The following CTDSPL variants were observed in gnomAD, a reference collection of about 807,000 sequenced individuals.
CTDSPL encodes the protein CTD small phosphatase-like protein.
Under a neutral mutation model 30.5 loss-of-function variants are expected in CTDSPL, and 8 were observed. The ratio of observed to expected loss-of-function variants is 0.26; its 90% CI spans 0.15 to 0.47. CTDSPL has a LOEUF of 0.47. Among genes scored for constraint, CTDSPL ranks in the 20% least tolerant of loss-of-function variants. The pLI is 0.99. For synonymous variants in CTDSPL, 110 were observed against 137.9 expected (o/e 0.80, Z 1.42); for missense variants, 248 against 366.1 (o/e 0.68, Z 2.63).
At chr3:37,947,601 T>C (rs560445154) in intron 2 of CTDSPL, among the ~76,000 whole-genome samples, 1 of 152,314 alleles carries the variant, frequency 6.6e-6, no homozygotes, top group South Asian at 2.1e-4. Context: ...TGATAGTATG[T>C]GTACAGCCAT....
In CTDSPL at chr3:37,862,103, CCCCCCCGCGCCGCGCCCCCGCG is replaced by C. The variant is rs1207475254; in HGVS notation, c.-73_-52del. On this transcript the variant is annotated 5_prime_UTR_variant, in exon 1 of 8. Transcript: ENST00000273179. The surrounding 1 kb of genome is among the most constrained non-coding windows in gnomAD (Gnocchi z 4.3). ...CGCGCCCAGGCAGCGGCTGCGAGCG[CCCCCCCGCGCCGCGCCCCCGCG>C]CCCCCCGCGCCGCGCCCCCGCGCGC... is the stretch of plus-strand genomic sequence containing the variant. 6.3e-4 allele frequency: 188 copies of C among 298,966 alleles called. No homozygotes were observed. The highest frequency in any genetic ancestry group is 1.8e-3 in the Middle Eastern group (1 of 562). 18.5% of individuals were successfully genotyped at this position (298,966 alleles called of 1,614,324 possible).
chr3:37,887,305 T>C (rs985371546), intron 1 of CTDSPL, among the ~76,000 whole-genome samples: 1 of 152,204 alleles, frequency 6.6e-6, no homozygotes, highest in Admixed American at 6.5e-5. Flanking sequence ...GCCAACTGTC[T>C]GCACCACAGG....
chr3:37,982,764 A>T lies in CTDSPL; in HGVS notation c.*1897A>T, dbSNP rs1247127420. 1 of 402,700 alleles carries T rather than the reference A, an allele frequency of 2.5e-6. No individual in the cohort carries two copies. Among genetic ancestry groups the T allele is most frequent in the Non-Finnish European group, 5.0e-6 (1 of 198,134 alleles). 24.9% of individuals were successfully genotyped at this position (402,700 alleles called of 1,614,324 possible). ...TATTACCACAGATAATGACAGTTAC[A>T]TGGTAGAACTGCCCATGCCACAAAT... On this transcript the variant is annotated 3_prime_UTR_variant, in exon 8 of 8. Coordinates refer to ENST00000273179, the MANE Select transcript of CTDSPL (RefSeq NM_001008392.2).
chr3:37,870,874 G>A (rs964723766), intron 1 of CTDSPL, among the ~76,000 whole-genome samples: 1 of 152,116 alleles, frequency 6.6e-6, no homozygotes, highest in Non-Finnish European at 1.5e-5. Context: ...TTCCCTGACT[G>A]CACAGATGCA....
intron 5 of CTDSPL, among the ~76,000 whole-genome samples, chr3:37,970,509 C>T (rs984351693): frequency 5.3e-5 from 8 of 152,258 alleles, no homozygotes; most frequent in South Asian, 2.1e-4. Flanking sequence ...TAATTTCAAA[C>T]GGAATTTATT....
chr3:37,955,568 A>T (rs769340696), intron 2 of CTDSPL, among the ~76,000 whole-genome samples: 1 of 152,226 alleles, frequency 6.6e-6, no homozygotes, highest in Non-Finnish European at 1.5e-5. Context: ...GGAGGCCATT[A>T]ATCTAAGCAA....
intron 1 of CTDSPL, among the ~76,000 whole-genome samples, chr3:37,909,428 G>T (rs1421189049): frequency 6.6e-6 from 1 of 152,258 alleles, no homozygotes; most frequent in African/African-American, 2.4e-5. Context: ...CTATTTCAGA[G>T]AAATGGGCTT....
intron 2 of CTDSPL, among the ~76,000 whole-genome samples, chr3:37,951,649 C>G (rs111520890): frequency 3.8e-4 from 58 of 152,278 alleles, no homozygotes; most frequent in African/African-American, 1.3e-3. Flanking sequence ...CCACTCCCCT[C>G]CAGCCTGGGT....
chr3:37,945,614 A>G (rs776054226), intron 1 of CTDSPL, among the ~76,000 whole-genome samples: 1 of 152,224 alleles, frequency 6.6e-6, no homozygotes, highest in Non-Finnish European at 1.5e-5. Flanking sequence ...TGCCTTTGAA[A>G]TGAGACGCCT....
Position 37,980,936 on chromosome 3 carries a change from C to T in CTDSPL, c.*69C>T. ...TGGCCTCAGGGGACCTGCCTGTCCT[C>T]AGCTCCCTGGGAGCTGAAAGTGAGG... On this transcript the variant is annotated 3_prime_UTR_variant, in exon 8 of 8. Coordinates refer to ENST00000273179, the MANE Select transcript of CTDSPL (RefSeq NM_001008392.2). 6.5e-7 allele frequency: 1 copy of T among 1,541,450 alleles called. No homozygotes were observed. Among genetic ancestry groups the T allele is most frequent in the South Asian group, 1.2e-5 (1 of 84,244 alleles).
rs1165069405 is a variant in CTDSPL at position 37,862,308 on chromosome 3, G to A, written c.79+30G>A. On this transcript the variant is annotated intron_variant, in intron 1 of 7. Coordinates refer to ENST00000273179, the MANE Select transcript of CTDSPL (RefSeq NM_001008392.2). This position sits in a 1 kb window ranked among gnomAD's most constrained non-coding sequence, Gnocchi z 4.3. The stretch of plus-strand genomic sequence containing the variant: ...GGAGGGGCGCAGGCGGCCGCGGGCT[G>A]GGGGCGAGCGCACACCCCGCGCCGC... 2.1e-6 allele frequency: 3 copies of A among 1,459,122 alleles called. No homozygotes were observed. The highest frequency in any genetic ancestry group is 2.4e-5 in the Admixed American group (1 of 41,016). The allele number at this position is 1,459,122 out of a possible 1,614,324, so 90.4% of individuals were successfully genotyped here. A position where few individuals can be genotyped will look rare whatever the true frequency, so the allele number is the denominator to read the frequency against.
intron 1 of CTDSPL, among the ~76,000 whole-genome samples, chr3:37,929,441 ATCT>A (rs1391868774): frequency 6.6e-6 from 1 of 152,004 alleles, no homozygotes; most frequent in African/African-American, 2.4e-5. Flanking sequence ...CATTTATTAG[ATCT>A]TCTTTAGTTT....
chr3:37,979,612 A>C (rs1699466766), intron 7 of CTDSPL, among the ~76,000 whole-genome samples: 1 of 152,064 alleles, frequency 6.6e-6, no homozygotes, highest in Non-Finnish European at 1.5e-5. Context: ...AAAAGAAAAA[A>C]AATTAGCCAA....
intron 6 of CTDSPL, 145 bp downstream of exon 6, chr3:37,971,644 C>T: frequency 2.9e-6 from 2 of 697,984 alleles, no homozygotes; most frequent in Non-Finnish European, 4.9e-6. Context: ...GGGATGGATG[C>T]AGGCCATGTG....
chr3:37,901,989 T>C (rs1165621336), intron 1 of CTDSPL, among the ~76,000 whole-genome samples: 1 of 152,180 alleles, frequency 6.6e-6, no homozygotes, highest in Non-Finnish European at 1.5e-5. Context: ...AGATGGCTGC[T>C]GCATTCTGAG....
In CTDSPL at chr3:37,959,353, CAT is replaced by C. The variant is rs1699210681; in HGVS notation, c.267+2212_267+2213del. Among the ~76,000 whole-genome samples, 3 of 152,328 alleles carry C rather than the reference CAT, an allele frequency of 2.0e-5. No homozygotes were observed. In the East Asian group the frequency reaches 5.8e-4, roughly 29 times the overall value. On this transcript the variant is annotated intron_variant, in intron 3 of 7. Coordinates refer to ENST00000273179, the MANE Select transcript of CTDSPL (RefSeq NM_001008392.2). The stretch of plus-strand genomic sequence containing the variant: ...TTTGGGATTAACACCTGTGGGAATA[CAT>C]ACATACACACGTACGTGAAGTTGAA...
Position 37,869,297 on chromosome 3 carries a change from C to T in CTDSPL, c.79+7019C>T, listed in dbSNP as rs573202214. 2.6e-5 allele frequency among the ~76,000 whole-genome samples: 4 copies of T among 152,168 alleles called. No individual in the cohort carries two copies. In the South Asian group the frequency reaches 6.2e-4, roughly 24 times the overall value. On this transcript the variant is annotated intron_variant, in intron 1 of 7. Coordinates refer to ENST00000273179, the MANE Select transcript of CTDSPL (RefSeq NM_001008392.2). ...TTGTGTTGGGCGCATTTATTATCCT[C>T]CTTTTAGTTATTTAAAACTATATAG...
rs1294021036 is a variant in CTDSPL at position 37,872,572 on chromosome 3, C to CTT, written c.79+10315_79+10316dup. On this transcript the variant is annotated intron_variant, in intron 1 of 7. Transcript: ENST00000273179. ...TTTTTTTTTTTTTAAATTCTTTTAT[C>CTT]TTTTTTTTTTTTTTTTTTTTTTGAG... is the stretch of plus-strand genomic sequence containing the variant. 7.6e-3 allele frequency among the ~76,000 whole-genome samples: 413 copies of CTT among 54,214 alleles called. 3 individuals are homozygous for CTT. Among genetic ancestry groups the CTT allele is most frequent in the South Asian group, 0.013 (19 of 1,514 alleles). 35.6% of individuals were successfully genotyped at this position (54,214 alleles called of 152,430 possible).
intron 1 of CTDSPL, among the ~76,000 whole-genome samples, chr3:37,924,056 A>G (rs757417642): frequency 1.3e-5 from 2 of 152,238 alleles, no homozygotes; most frequent in African/African-American, 2.4e-5. Flanking sequence ...AAGAGTTTCT[A>G]TGTTTGAAAA....
Sources: gnomAD v4.1 joint callset for allele counts (sites outside exome capture counted in the v4.1 genomes callset) on GRCh38, gnomAD v4.1.1 for gene constraint, Gnocchi (gnomAD v3.1) non-coding constraint, MANE v1.5 for transcripts, NCBI Gene and HGNC (gene_info 2026-07-23, HGNC 2026-07-21) for gene names.